ZDHHC20: variants seen among roughly 807,000 people sequenced by gnomAD.
The protein encoded by ZDHHC20 is zDHHC palmitoyltransferase 20, also known as palmitoyltransferase ZDHHC20.
ZDHHC20 carries 43 observed loss-of-function variants against 57.8 expected under a neutral mutation model. That is an observed-to-expected ratio of 0.74 (90% CI 0.58 to 0.96). The LOEUF is 0.96. Ranked by LOEUF, ZDHHC20 falls within the 40% of genes least tolerant of loss-of-function variation. The pLI, the probability that ZDHHC20 is intolerant of heterozygous loss-of-function variation, is 0.00. For synonymous variants in ZDHHC20, 157 were observed against 153.0 expected (o/e 1.03, Z -0.19); for missense variants, 391 against 441.1 (o/e 0.89, Z 1.02).
rs1038251622 is a variant in ZDHHC20, at chr13:21,425,696, A to T, written c.119-18T>A. The T allele has an allele frequency of 9.7e-6, 11 of 1,137,376 alleles. No individual in the cohort carries two copies. The African/African-American group carries it at 1.5e-4, about 15-fold the overall frequency. 70.5% of individuals were successfully genotyped at this position (1,137,376 alleles called of 1,614,324 possible). On this transcript the variant is annotated intron_variant, in intron 1 of 12. Transcript: ENST00000400590. Reference sequence around the variant, plus strand: ...AATAGTAACTAGAATAGAAGAAAAAATAGTGAATAAATATACTTTAAACAT... The same window carrying T: ...AATAGTAACTAGAATAGAAGAAAAATTAGTGAATAAATATACTTTAAACAT...
At chr13:21,449,821 G>A (rs558176480) in intron 1 of ZDHHC20, among the ~76,000 whole-genome samples, 31 of 151,946 alleles carry the variant, frequency 2.0e-4, no homozygotes, top group African/African-American at 7.2e-4. Flanking sequence ...TAGTAGAGAT[G>A]GGGTTTTGCC....
At chr13:21,442,758 A>G (rs746739470) in intron 1 of ZDHHC20, among the ~76,000 whole-genome samples, 2 of 152,194 alleles carry the variant, frequency 1.3e-5, no homozygotes, top group African/African-American at 4.8e-5. Context: ...CTATCTCAAA[A>G]AAAAAAACAA....
At chr13:21,434,777 CTT>C (rs34429191) in intron 1 of ZDHHC20, among the ~76,000 whole-genome samples, 38,985 of 150,224 alleles carry the variant, frequency 0.26, 5,887 homozygotes, top group South Asian at 0.34. Flanking sequence ...CAGAGACATC[CTT>C]TTTTTTTTTT....
intron 7 of ZDHHC20, among the ~76,000 whole-genome samples, chr13:21,394,274 C>A (rs906469116): frequency 2.0e-5 from 3 of 152,222 alleles, no homozygotes; most frequent in African/African-American, 7.2e-5. Context: ...ATCATGTTCT[C>A]TGGGCCTGAA....
At position 21,432,411 on chromosome 13, in the gene ZDHHC20, G is replaced by A. The variant is rs190336977; in HGVS notation, c.119-6733C>T. ...GTGGCGTGATCTCGGCTCACTACAA[G>A]CTCTGCCTCCTGGGTTCACACCATT... On this transcript the variant is annotated intron_variant, in intron 1 of 12. Coordinates refer to ENST00000400590, the MANE Select transcript of ZDHHC20 (RefSeq NM_001330059.2). 1.3e-3 allele frequency among the ~76,000 whole-genome samples: 203 copies of A among 151,342 alleles called. 2 individuals are homozygous for A. The highest frequency in any genetic ancestry group is 0.01 in the Middle Eastern group (3 of 294).
chr13:21,422,482 T>C (rs1008583338), intron 2 of ZDHHC20, among the ~76,000 whole-genome samples: 1 of 152,180 alleles, frequency 6.6e-6, no homozygotes, highest in Admixed American at 6.5e-5. Context: ...ATTGGGTTCA[T>C]GCCAGATCTC....
Position 21,440,497 on chromosome 13 carries a change from G to GCTGAGGCA in ZDHHC20, c.119-14820_119-14819insTGCCTCAG, listed in dbSNP as rs1883029507. Among the ~76,000 whole-genome samples, 4 of 152,146 alleles carry GCTGAGGCA rather than the reference G, an allele frequency of 2.6e-5. No individual in the cohort carries two copies. The South Asian group carries it at 8.3e-4, about 32-fold the overall frequency. Reference sequence around the variant, plus strand: ...ATGGTGGCACACGCCTGTAGTTCCAGCTACTTGGGAGGCTGAGGCACAAGA... The same window carrying GCTGAGGCA: ...ATGGTGGCACACGCCTGTAGTTCCAGCTGAGGCACTACTTGGGAGGCTGAGGCACAAGA... On this transcript the variant is annotated intron_variant, in intron 1 of 12. Coordinates refer to ENST00000400590, the MANE Select transcript of ZDHHC20 (RefSeq NM_001330059.2).
intron 6 of ZDHHC20, among the ~76,000 whole-genome samples, chr13:21,400,697 T>C (rs540474988): frequency 1.3e-5 from 2 of 152,196 alleles, no homozygotes; most frequent in South Asian, 2.1e-4. Context: ...ACTACTGAAC[T>C]GTACCCTAAG....
At chr13:21,452,735 C>T (rs1384832746) in intron 1 of ZDHHC20, among the ~76,000 whole-genome samples, 7 of 151,962 alleles carry the variant, frequency 4.6e-5, no homozygotes, top group Admixed American at 1.3e-4. Flanking sequence ...TGAAACAGTA[C>T]GTAACTTGAA....
At chr13:21,442,263 G>A (rs545667369) in intron 1 of ZDHHC20, among the ~76,000 whole-genome samples, 2 of 150,922 alleles carry the variant, frequency 1.3e-5, no homozygotes, top group South Asian at 2.1e-4. Context: ...TCCCTTTATC[G>A]TGATTTCAGG....
chr13:21,458,925 C>G, intron 1 of ZDHHC20, 129 bp downstream of exon 1: 1 of 625,652 alleles, frequency 1.6e-6, no homozygotes, highest in Admixed American at 4.3e-5. Context: ...CGCTTCCGAG[C>G]GCGTTCGGGG....
rs1278135178 is a variant in ZDHHC20 at position 21,375,283 on chromosome 13, AC to A, written c.*1412del. 9.7e-6 allele frequency: 4 copies of A among 410,382 alleles called. No homozygotes were observed. Among genetic ancestry groups the A allele is most frequent in the African/African-American group, 8.3e-5 (4 of 48,362 alleles). 25.4% of individuals were successfully genotyped at this position (410,382 alleles called of 1,614,324 possible). A position where few individuals can be genotyped will look rare whatever the true frequency, so the allele number is the denominator to read the frequency against. On this transcript the variant is annotated 3_prime_UTR_variant, in exon 13 of 13. Coordinates refer to ENST00000400590, the MANE Select transcript of ZDHHC20 (RefSeq NM_001330059.2). ...CAGACAGGAAGCTCCAACCTGTAGT[AC>A]TCACAGATGCTGCTGAGATTCATCT...
intron 1 of ZDHHC20, among the ~76,000 whole-genome samples, chr13:21,426,221 T>C (rs1470527464): frequency 1.3e-5 from 2 of 152,230 alleles, no homozygotes; most frequent in Non-Finnish European, 2.9e-5. Context: ...TATGTTTTCT[T>C]CCACCTTGTA....
rs1269178255 is a variant in ZDHHC20, at chr13:21,374,453, T to A, written c.*2243A>T. ...TTTTGCCATTTTGACCAGGCTAATC[T>A]CGAACCCCTGACCTCAGGTGATCCG... is the stretch of plus-strand genomic sequence containing the variant. On this transcript the variant is annotated 3_prime_UTR_variant, in exon 13 of 13. Coordinates refer to ENST00000400590, the MANE Select transcript of ZDHHC20 (RefSeq NM_001330059.2). 2 of 455,354 alleles carry A rather than the reference T, an allele frequency of 4.4e-6. No homozygotes were observed. The highest frequency in any genetic ancestry group is 8.8e-6 in the Non-Finnish European group (2 of 226,444). 28.2% of individuals were successfully genotyped at this position (455,354 alleles called of 1,614,324 possible). A position where few individuals can be genotyped will look rare whatever the true frequency, so the allele number is the denominator to read the frequency against.
intron 10 of ZDHHC20, 48 bp from the exon 11 acceptor site, chr13:21,381,597 T>C (rs780390105): frequency 7.9e-7 from 1 of 1,261,966 alleles, no homozygotes; most frequent in South Asian, 1.2e-5. Context: ...TGCTCAACTA[T>C]GGATACTTAA....
intron 9 of ZDHHC20, among the ~76,000 whole-genome samples, chr13:21,385,995 C>T (rs537855433): frequency 3.3e-5 from 5 of 152,126 alleles, no homozygotes; most frequent in African/African-American, 9.7e-5. Flanking sequence ...AAAATCCTAT[C>T]GACTTAGAAT....
intron 1 of ZDHHC20, among the ~76,000 whole-genome samples, chr13:21,434,845 CTAT>C (rs1409773209): frequency 6.6e-6 from 1 of 151,828 alleles, no homozygotes; most frequent in East Asian, 1.9e-4. Context: ...AATCAGCCTT[CTAT>C]TGATGGGCAT....
At chr13:21,452,086 T>C (rs190964216) in intron 1 of ZDHHC20, among the ~76,000 whole-genome samples, 4 of 152,324 alleles carry the variant, frequency 2.6e-5, no homozygotes, top group African/African-American at 9.6e-5. Flanking sequence ...ATCTTCTCTG[T>C]ACTCTTCCAA....
chr13:21,403,810 C>T (rs1368566592), intron 4 of ZDHHC20, among the ~76,000 whole-genome samples: 1 of 152,156 alleles, frequency 6.6e-6, no homozygotes, highest in East Asian at 1.9e-4. Context: ...GCCTCAGCCT[C>T]CCGAGTAGCT....
Sources: allele counts gnomAD v4.1 joint callset (sites outside exome capture counted in the v4.1 genomes callset), GRCh38; gene constraint gnomAD v4.1.1; transcripts MANE v1.5; gene names NCBI Gene and HGNC (gene_info 2026-07-23, HGNC 2026-07-21).